The following NRXN3 variants were observed in gnomAD, a reference collection of about 807,000 sequenced individuals.
NRXN3 encodes neurexin III.
In NRXN3, 32 loss-of-function variants were observed where a neutral mutation model predicts 137.6. The ratio of observed to expected loss-of-function variants is 0.23; its 90% confidence interval spans 0.18 to 0.31. The LOEUF (loss-of-function observed/expected upper bound fraction) is 0.31. NRXN3 is among the 10% of genes least tolerant of loss of function. NRXN3 has a pLI of 1.00. For synonymous variants in NRXN3, 798 were observed against 784.5 expected (o/e 1.02, Z -0.29); for missense variants, 1,574 against 2,062.5 (o/e 0.76, Z 4.59).
chr14:78,480,624 C>G (rs1017424940), intron 4 of NRXN3, among the ~76,000 whole-genome samples: 2 of 152,150 alleles, frequency 1.3e-5, no homozygotes, highest in Admixed American at 1.3e-4. Context: ...TTTTGTAAGT[C>G]AGTGTCCTAA....
intron 20 of NRXN3, among the ~76,000 whole-genome samples, chr14:79,838,265 CG>C (rs751561311): frequency 9.3e-4 from 141 of 152,204 alleles, no homozygotes; most frequent in Admixed American, 2.4e-3. Context: ...TTGAAATAAG[CG>C]TTACTATAGA....
chr14:79,176,798 T>A (rs1472367873), intron 15 of NRXN3, among the ~76,000 whole-genome samples: 1 of 152,238 alleles, frequency 6.6e-6, no homozygotes, highest in Non-Finnish European at 1.5e-5. Flanking sequence ...ATTTATCAAT[T>A]GTTGCACTTT....
chr14:78,806,062 T>TCCC (rs35101657), intron 9 of NRXN3, among the ~76,000 whole-genome samples: 3 of 138,058 alleles, frequency 2.2e-5, no homozygotes, highest in South Asian at 2.3e-4. Flanking sequence ...TTTTTTTTTT[T>TCCC]CCCCTTTGGC....
chr14:78,515,432 C>T (rs2096188772), intron 4 of NRXN3, among the ~76,000 whole-genome samples: 1 of 152,094 alleles, frequency 6.6e-6, no homozygotes, highest in Non-Finnish European at 1.5e-5. Context: ...GGACTCAGAG[C>T]TAGGGAATAG....
At chr14:78,620,044 A>G (rs970430865) in intron 4 of NRXN3, among the ~76,000 whole-genome samples, 1 of 152,134 alleles carries the variant, frequency 6.6e-6, no homozygotes, top group African/African-American at 2.4e-5. Flanking sequence ...CACCCAGTCT[A>G]TGGTATTTTG....
intron 8 of NRXN3, among the ~76,000 whole-genome samples, chr14:78,800,435 T>C (rs1183736350): frequency 2.0e-5 from 3 of 152,240 alleles, no homozygotes; most frequent in Non-Finnish European, 4.4e-5. Context: ...TTCCAGGAGA[T>C]AAAAGATTTG....
At chr14:78,345,344 A>G (rs904096526) in intron 4 of NRXN3, among the ~76,000 whole-genome samples, 2 of 152,192 alleles carry the variant, frequency 1.3e-5, no homozygotes, top group East Asian at 3.8e-4. Context: ...CTGCTAATGT[A>G]AATCGCACAA....
chr14:78,282,031 C>A, intron 3 of NRXN3: 1 of 430,728 alleles, frequency 2.3e-6, no homozygotes, highest in Non-Finnish European at 4.8e-6. Context: ...TGCAGGGTTC[C>A]AAGACATGGT....
chr14:78,721,360 C>A (rs2098458949), intron 8 of NRXN3, among the ~76,000 whole-genome samples: 1 of 152,122 alleles, frequency 6.6e-6, no homozygotes, highest in Admixed American at 6.5e-5. Flanking sequence ...GAGATGGATC[C>A]TCTGACCTTT....
chr14:78,447,976 G>A (rs1289786287), intron 4 of NRXN3, among the ~76,000 whole-genome samples: 1 of 152,142 alleles, frequency 6.6e-6, no homozygotes, highest in Non-Finnish European at 1.5e-5. Context: ...GCATGAGCAG[G>A]TTTTGCCTTT....
At chr14:78,377,455 A>G (rs1324212883) in intron 4 of NRXN3, among the ~76,000 whole-genome samples, 1 of 152,244 alleles carries the variant, frequency 6.6e-6, no homozygotes, top group African/African-American at 2.4e-5. Context: ...TTATGGTTGG[A>G]GGCTTCACAG....
At chr14:79,526,317 G>A (rs759634353) in intron 16 of NRXN3, among the ~76,000 whole-genome samples, 27 of 152,250 alleles carry the variant, frequency 1.8e-4, no homozygotes, top group South Asian at 6.2e-4. Flanking sequence ...AAAGTGCTGC[G>A]ATTACAAGTG....
chr14:79,858,192 T>C (rs2099406880), intron 20 of NRXN3, among the ~76,000 whole-genome samples: 1 of 151,238 alleles, frequency 6.6e-6, no homozygotes, highest in Admixed American at 6.6e-5. Flanking sequence ...GTGTGTTAAA[T>C]GAGAGGGAGA....
At chr14:78,591,770 C>CTAT (rs1386671345) in intron 4 of NRXN3, among the ~76,000 whole-genome samples, 1 of 152,174 alleles carries the variant, frequency 6.6e-6, no homozygotes, top group African/African-American at 2.4e-5. Context: ...ATACCAGACT[C>CTAT]TATTTTTATG....
At chr14:79,008,666 T>A (rs1336523876) in intron 15 of NRXN3, among the ~76,000 whole-genome samples, 3 of 150,866 alleles carry the variant, frequency 2.0e-5, no homozygotes, top group Non-Finnish European at 3.0e-5. Flanking sequence ...CTTTGCTTTT[T>A]TTTTTTTTTT....
intron 15 of NRXN3, chr14:79,201,097 A>G (rs1597206978): frequency 6.6e-6 from 1 of 152,244 alleles, no homozygotes; most frequent in South Asian, 2.1e-4. Flanking sequence ...TATTGAAGCC[A>G]CTGCTTTGAA....
rs576696271 is a variant in NRXN3, at chr14:78,840,635, T to G, written c.2275+30291T>G. Among the ~76,000 whole-genome samples the G allele has an allele frequency of 1.1e-4, 16 of 152,234 alleles. No homozygotes were observed. The East Asian group carries it at 3.1e-3, about 29-fold the overall frequency. On this transcript the variant is annotated intron_variant, in intron 10 of 20. Transcript: ENST00000335750. The stretch of plus-strand genomic sequence containing the variant: ...GGACCTAGACTGAGGGAGCCTTTAC[T>G]ATCCAGAATGTTGCTCGTCACCCTG...
At chr14:78,621,235 C>A (rs747358246) in intron 4 of NRXN3, among the ~76,000 whole-genome samples, 26 of 152,064 alleles carry the variant, frequency 1.7e-4, no homozygotes, top group Non-Finnish European at 2.9e-4. Context: ...ATGAGAGGCA[C>A]AAAGAAATAA....
chr14:78,878,940 C>T (rs1294728580), intron 10 of NRXN3, among the ~76,000 whole-genome samples: 3 of 151,926 alleles, frequency 2.0e-5, no homozygotes, highest in Non-Finnish European at 2.9e-5. Flanking sequence ...CATATATAAG[C>T]GAGGTCGTGC....
Sources: gnomAD v4.1 joint callset for allele counts (sites outside exome capture counted in the v4.1 genomes callset) on GRCh38, gnomAD v4.1.1 for gene constraint, MANE v1.5 for transcripts, NCBI Gene and HGNC (gene_info 2026-07-23, HGNC 2026-07-21) for gene names.